Variants in GABRB1 observed in about 807,000 individuals in gnomAD.
The protein encoded by GABRB1 is gamma-aminobutyric acid type A receptor subunit beta1.
A neutral mutation model predicts 51.6 loss-of-function variants in GABRB1; 17 were observed. The observed-to-expected ratio is 0.33, with a 90% CI of 0.23 to 0.49. The LOEUF (loss-of-function observed/expected upper bound fraction) is 0.49. GABRB1 is among the 20% of genes least tolerant of loss of function. The pLI is 0.99. For synonymous variants in GABRB1, 247 were observed against 218.9 expected (o/e 1.13, Z -1.14); for missense variants, 410 against 600.6 (o/e 0.68, Z 3.32).
chr4:47,169,562 C>T (rs960167533), intron 4 of GABRB1, among the ~76,000 whole-genome samples: 2 of 151,648 alleles, frequency 1.3e-5, no homozygotes, highest in East Asian at 1.9e-4. Context: ...AGTGCAATGG[C>T]ACAATCTTGG....
chr4:47,130,957 T>A (rs1716387835), intron 3 of GABRB1, among the ~76,000 whole-genome samples: 1 of 152,200 alleles, frequency 6.6e-6, no homozygotes, highest in Admixed American at 6.5e-5. Flanking sequence ...GTTCAACCAG[T>A]CATCAAACTG....
intron 3 of GABRB1, among the ~76,000 whole-genome samples, chr4:47,070,346 T>C (rs541859878): frequency 6.6e-4 from 99 of 150,592 alleles, no homozygotes; most frequent in Non-Finnish European, 1.2e-3. Context: ...TTCTTTTTTT[T>C]TGAGACAGAG....
intron 5 of GABRB1, among the ~76,000 whole-genome samples, chr4:47,354,760 TCAC>T (rs1726486555): frequency 6.6e-6 from 1 of 151,806 alleles, no homozygotes; most frequent in African/African-American, 2.4e-5. Flanking sequence ...GCAATTTACC[TCAC>T]TTTTTTTTTA....
intron 4 of GABRB1, among the ~76,000 whole-genome samples, chr4:47,286,323 G>A (rs1434248494): frequency 2.0e-5 from 3 of 152,088 alleles, no homozygotes; most frequent in Non-Finnish European, 4.4e-5. Context: ...ATGATTCATT[G>A]GGAGTTTATC....
chr4:47,178,763 T>C (rs1206337554), intron 4 of GABRB1, among the ~76,000 whole-genome samples: 3 of 152,218 alleles, frequency 2.0e-5, no homozygotes, highest in South Asian at 2.1e-4. Context: ...CCAAATGAGA[T>C]GCCAAGAACT....
intron 1 of GABRB1, among the ~76,000 whole-genome samples, chr4:46,998,174 A>G (rs1258417051): frequency 6.6e-6 from 1 of 152,206 alleles, no homozygotes; most frequent in African/African-American, 2.4e-5. Flanking sequence ...TAGATATTTC[A>G]GTGCAATTAT....
chr4:47,383,368 A>G (rs1373073297), intron 5 of GABRB1, among the ~76,000 whole-genome samples: 1 of 152,176 alleles, frequency 6.6e-6, no homozygotes, highest in Non-Finnish European at 1.5e-5. Context: ...AGGGACCACA[A>G]CTTTGCATCC....
At chr4:47,019,271 TTTTC>T (rs1468956665) in intron 1 of GABRB1, among the ~76,000 whole-genome samples, 2 of 152,152 alleles carry the variant, frequency 1.3e-5, no homozygotes, top group African/African-American at 4.8e-5. Flanking sequence ...ATTCTTCTGG[TTTTC>T]TTTCTACCTG....
intron 3 of GABRB1, among the ~76,000 whole-genome samples, chr4:47,053,665 AAAG>A (rs1489205319): frequency 2.0e-5 from 3 of 152,212 alleles, no homozygotes; most frequent in African/African-American, 7.2e-5. Context: ...CTGTCACTGG[AAAG>A]AAGGTGTGAC....
chr4:47,420,030 C>T (rs1729047248), intron 8 of GABRB1, among the ~76,000 whole-genome samples: 1 of 152,174 alleles, frequency 6.6e-6, no homozygotes, highest in Admixed American at 6.5e-5. Context: ...AAAAGAGAAT[C>T]CATTATGTTG....
intron 3 of GABRB1, among the ~76,000 whole-genome samples, chr4:47,142,808 G>A (rs1247656036): frequency 6.6e-6 from 1 of 151,860 alleles, no homozygotes; most frequent in Non-Finnish European, 1.5e-5. Flanking sequence ...CCAAGTGAAT[G>A]CATGACCAAG....
Position 47,353,395 on chromosome 4 carries a change from T to C in GABRB1, c.544+33186T>C, listed in dbSNP as rs116170176. On this transcript the variant is annotated intron_variant, in intron 5 of 8. Transcript: ENST00000295454. ...CCTTGATGTTTCCCTTACAAATAAG[T>C]TCATAACTTGATTATTGCTAACTTA... 3.7e-3 allele frequency among the ~76,000 whole-genome samples: 557 copies of C among 152,330 alleles called. 1 individual carries two copies. Among genetic ancestry groups the C allele is most frequent in the Non-Finnish European group, 6.2e-3 (420 of 68,028 alleles).
At chr4:47,424,545 T>C (rs1479471335) in intron 8 of GABRB1, among the ~76,000 whole-genome samples, 2 of 152,228 alleles carry the variant, frequency 1.3e-5, no homozygotes, top group Non-Finnish European at 2.9e-5. Context: ...TCTTCTTCAC[T>C]AGGCTCTTTT....
intron 4 of GABRB1, among the ~76,000 whole-genome samples, chr4:47,265,938 C>G (rs1253388042): frequency 6.6e-6 from 1 of 152,084 alleles, no homozygotes; most frequent in Admixed American, 6.6e-5. Flanking sequence ...TGTGCAGAAG[C>G]TTTTTAGTTT....
chr4:47,313,880 C>G (rs1257056679), intron 4 of GABRB1, among the ~76,000 whole-genome samples: 1 of 152,038 alleles, frequency 6.6e-6, no homozygotes, highest in Non-Finnish European at 1.5e-5. Flanking sequence ...TGTCCTCCAA[C>G]CCTTACTAAA....
At chr4:47,240,258 G>A (rs542832084) in intron 4 of GABRB1, among the ~76,000 whole-genome samples, 2 of 152,268 alleles carry the variant, frequency 1.3e-5, no homozygotes, top group South Asian at 4.2e-4. Context: ...GGAATAAAAG[G>A]TACAACTTTG....
intron 4 of GABRB1, among the ~76,000 whole-genome samples, chr4:47,319,255 T>C (rs751084930): frequency 6.6e-5 from 10 of 152,140 alleles, no homozygotes; most frequent in Non-Finnish European, 1.5e-4. Flanking sequence ...ACTGTATAAG[T>C]GTGTATATAC....
At chr4:47,123,849 T>C (rs28715363) in intron 3 of GABRB1, among the ~76,000 whole-genome samples, 5 of 88,446 alleles carry the variant, frequency 5.7e-5, no homozygotes, top group Non-Finnish European at 4.1e-5. Context: ...ATTATATATA[T>C]TATATCATAT....
At chr4:47,035,845 A>G (rs1192282073) in intron 3 of GABRB1, among the ~76,000 whole-genome samples, 2 of 152,196 alleles carry the variant, frequency 1.3e-5, no homozygotes, top group Non-Finnish European at 2.9e-5. Context: ...GATATTAACT[A>G]CCTTCTAACA....
Sources: allele counts gnomAD v4.1 joint callset (sites outside exome capture counted in the v4.1 genomes callset), GRCh38; gene constraint gnomAD v4.1.1; transcripts MANE v1.5; gene names NCBI Gene and HGNC (gene_info 2026-07-23, HGNC 2026-07-21).